The following SEMA3A variants were observed in gnomAD, a reference collection of about 807,000 sequenced individuals.
SEMA3A encodes semaphorin 3A, also known as semaphorin-3A.
A neutral mutation model predicts 97.9 loss-of-function variants in SEMA3A; 29 were observed. The ratio of observed to expected loss-of-function variants is 0.30; its 90% confidence interval spans 0.22 to 0.40. The LOEUF is 0.40. Ranked by LOEUF, SEMA3A falls within the 10% of genes least tolerant of loss-of-function variation. SEMA3A has a pLI of 1.00. For synonymous variants in SEMA3A, 321 were observed against 323.7 expected (o/e 0.99, Z 0.09); for missense variants, 763 against 951.3 (o/e 0.80, Z 2.60).
chr7:84,309,483 C>G (rs1004598428), intron 2 of SEMA3A, among the ~76,000 whole-genome samples: 1 of 152,068 alleles, frequency 6.6e-6, no homozygotes, highest in Admixed American at 6.6e-5. Context: ...GTTCAGGTGT[C>G]CACTTAACTC....
At chr7:84,260,474 C>A (rs1799822342) in intron 3 of SEMA3A, among the ~76,000 whole-genome samples, 1 of 150,926 alleles carries the variant, frequency 6.6e-6, no homozygotes, top group Middle Eastern at 3.2e-3. Flanking sequence ...AGCTCCAGAC[C>A]CCAGTATCCC....
chr7:84,054,732 T>C (rs2115648537), intron 5 of SEMA3A, among the ~76,000 whole-genome samples: 1 of 147,252 alleles, frequency 6.8e-6, no homozygotes, highest in East Asian at 2.0e-4. Context: ...TCCAGCTTTG[T>C]TCCGTTGCTG....
chr7:84,405,964 C>T (rs1804072588), intron 1 of SEMA3A, among the ~76,000 whole-genome samples: 2 of 152,094 alleles, frequency 1.3e-5, no homozygotes, highest in Admixed American at 6.6e-5. Context: ...CTAAAATTCA[C>T]ACCCTAACAA....
chr7:84,211,216 G>T (rs1798615904), intron 3 of SEMA3A, among the ~76,000 whole-genome samples: 1 of 152,176 alleles, frequency 6.6e-6, no homozygotes, highest in Non-Finnish European at 1.5e-5. Flanking sequence ...CATAGCAACT[G>T]AATATGAAGA....
In SEMA3A at chr7:84,209,333, G is replaced by T. The variant is rs1798569951; in HGVS notation, c.-82-14665C>A. ...TGTGTGTATGTTTGTGCATGTATTT[G>T]TGTGAGTGCAGGCTCAGGTTTAGGC... On this transcript the variant is annotated intron_variant, in intron 3 of 3. Transcript: ENST00000424555. Among the ~76,000 whole-genome samples the T allele has an allele frequency of 7.9e-5, 12 of 152,306 alleles. No individual in the cohort carries two copies. The South Asian group carries it at 2.5e-3, about 32-fold the overall frequency.
At chr7:84,002,717 T>C (rs1050400242) in intron 11 of SEMA3A, among the ~76,000 whole-genome samples, 9 of 152,160 alleles carry the variant, frequency 5.9e-5, no homozygotes, top group African/African-American at 2.2e-4. Context: ...TTTTCAAAAA[T>C]GTACACTTTG....
At chr7:84,095,443 C>G (rs1583959081) in intron 4 of SEMA3A, among the ~76,000 whole-genome samples, 1 of 144,604 alleles carries the variant, frequency 6.9e-6, no homozygotes, top group East Asian at 2.0e-4. Context: ...CTACTTTAAA[C>G]ATAAATATAA....
chr7:84,374,128 G>A (rs1231523703), intron 1 of SEMA3A, among the ~76,000 whole-genome samples: 1 of 152,136 alleles, frequency 6.6e-6, no homozygotes, highest in Non-Finnish European at 1.5e-5. Context: ...AATAGAGAAT[G>A]AAACTCATGC....
In SEMA3A at chr7:84,179,060, T is replaced by A. The variant is rs73382861; in HGVS notation, c.112+15415A>T. On this transcript the variant is annotated intron_variant, in intron 1 of 16. Coordinates refer to ENST00000265362, the MANE Select transcript of SEMA3A (RefSeq NM_006080.3). ...CTGTGATATCAAATTTTCTCAACAC[T>A]CACAGTTCTTTATTGGTATATATCA... Among the ~76,000 whole-genome samples, 1,244 of 152,176 alleles carry A rather than the reference T, an allele frequency of 8.2e-3. 12 individuals carry two copies. Among genetic ancestry groups the A allele is most frequent in the African/African-American group, 0.029 (1,184 of 41,540 alleles).
chr7:84,365,230 T>A (rs1034549151), intron 2 of SEMA3A, among the ~76,000 whole-genome samples: 1 of 151,470 alleles, frequency 6.6e-6, no homozygotes, highest in Non-Finnish European at 1.5e-5. Flanking sequence ...AGAGAGAACA[T>A]TATCTTACCC....
At chr7:84,432,410 A>C (rs965910586) in intron 1 of SEMA3A, among the ~76,000 whole-genome samples, 3 of 152,064 alleles carry the variant, frequency 2.0e-5, no homozygotes, top group African/African-American at 7.2e-5. Context: ...TTATTTTAGA[A>C]TCAGAGGGTA....
intron 2 of SEMA3A, among the ~76,000 whole-genome samples, chr7:84,370,118 G>A (rs1221543795): frequency 6.6e-6 from 1 of 151,502 alleles, no homozygotes; most frequent in African/African-American, 2.4e-5. Context: ...TAAAGAGGTA[G>A]AATGGGACCA....
chr7:83,996,489 G>C (rs1790225715), intron 12 of SEMA3A, among the ~76,000 whole-genome samples: 2 of 151,956 alleles, frequency 1.3e-5, no homozygotes, highest in Non-Finnish European at 2.9e-5. Context: ...TGTTAGTAGA[G>C]ACGGGGTTTC....
chr7:84,086,846 C>G lies in SEMA3A; in HGVS notation c.453+23624G>C, dbSNP rs1034441473. 6.6e-5 allele frequency among the ~76,000 whole-genome samples: 10 copies of G among 151,278 alleles called. 1 individual carries two copies. Among genetic ancestry groups the G allele is most frequent in the Admixed American group, 4.0e-4 (6 of 15,074 alleles). On this transcript the variant is annotated intron_variant, in intron 4 of 16. Coordinates refer to ENST00000265362, the MANE Select transcript of SEMA3A (RefSeq NM_006080.3). ...TCTTTGGTGCTCTATCCTTCTTTACCCAATTACTTCATCACATACTCCACT... is the reference window on the plus strand; with the variant it reads ...TCTTTGGTGCTCTATCCTTCTTTACGCAATTACTTCATCACATACTCCACT...
At chr7:84,203,077 A>C (rs1798394246) in intron 3 of SEMA3A, among the ~76,000 whole-genome samples, 1 of 152,268 alleles carries the variant, frequency 6.6e-6, no homozygotes, top group Non-Finnish European at 1.5e-5. Flanking sequence ...GTATTCCCCT[A>C]AAGCTAATCT....
intron 3 of SEMA3A, among the ~76,000 whole-genome samples, chr7:84,116,859 T>C (rs1421339181): frequency 6.6e-6 from 1 of 152,228 alleles, no homozygotes; most frequent in African/African-American, 2.4e-5. Context: ...CCACCCAGTC[T>C]GTGCCACTTT....
At chr7:84,143,694 T>A (rs551051347) in intron 1 of SEMA3A, among the ~76,000 whole-genome samples, 6 of 143,224 alleles carry the variant, frequency 4.2e-5, no homozygotes, top group African/African-American at 1.5e-4. Flanking sequence ...CATCTCTACT[T>A]AAAAAAAAAA....
chr7:84,008,091 A>G (rs973301816), intron 9 of SEMA3A, among the ~76,000 whole-genome samples: 3 of 152,322 alleles, frequency 2.0e-5, no homozygotes, highest in Non-Finnish European at 4.4e-5. Flanking sequence ...TCACTCAGTT[A>G]AAGTGGAGAA....
intron 2 of SEMA3A, among the ~76,000 whole-genome samples, chr7:84,337,111 G>C (rs1306960387): frequency 1.3e-5 from 2 of 152,068 alleles, no homozygotes; most frequent in Non-Finnish European, 2.9e-5. Flanking sequence ...CTGCAAAACA[G>C]AATTAAATAG....
Sources: gnomAD v4.1 joint callset for allele counts (sites outside exome capture counted in the v4.1 genomes callset) on GRCh38, gnomAD v4.1.1 for gene constraint, MANE v1.5 for transcripts, NCBI Gene and HGNC (gene_info 2026-07-23, HGNC 2026-07-21) for gene names.